FIP1L1: variants seen among roughly 807,000 people sequenced by gnomAD.
The protein encoded by FIP1L1 is factor interacting with PAPOLA and CPSF1.
Under a neutral mutation model 84.6 loss-of-function variants are expected in FIP1L1, and 21 were observed. The ratio of observed to expected loss-of-function variants is 0.25; its 90% CI spans 0.18 to 0.36. The LOEUF is 0.36. Among genes scored for constraint, FIP1L1 ranks in the 10% least tolerant of loss-of-function variants. The pLI, the probability that FIP1L1 is intolerant of heterozygous loss-of-function variation, is 1.00. For synonymous variants in FIP1L1, 263 were observed against 242.3 expected (o/e 1.09, Z -0.80); for missense variants, 526 against 751.1 (o/e 0.70, Z 3.50).
At chr4:53,408,183 A>G (rs1443253052) in intron 10 of FIP1L1, among the ~76,000 whole-genome samples, 1 of 152,150 alleles carries the variant, frequency 6.6e-6, no homozygotes, top group Non-Finnish European at 1.5e-5. Context: ...CTTTTAGGGC[A>G]GGCCTGGTGG....
At chr4:53,418,199 G>A (rs1201195603) in intron 11 of FIP1L1, among the ~76,000 whole-genome samples, 1 of 152,114 alleles carries the variant, frequency 6.6e-6, no homozygotes, top group Non-Finnish European at 1.5e-5. Context: ...TGAGGTGGGT[G>A]GATCACTGGA....
At chr4:53,453,904 CTCTT>C (rs796656768) in intron 16 of FIP1L1, among the ~76,000 whole-genome samples, 19 of 152,306 alleles carry the variant, frequency 1.2e-4, no homozygotes, top group African/African-American at 4.3e-4. Flanking sequence ...CAAATAGTCT[CTCTT>C]TAAGAATTGG....
chr4:53,414,725 A>T lies in FIP1L1; in HGVS notation c.923+3A>T. Reference sequence around the variant, plus strand: ...AGGGCCGAATCACCTGATCTAAGGTAAGGCTATTTTTAAACATTGGATACT... The same window carrying T: ...AGGGCCGAATCACCTGATCTAAGGTTAGGCTATTTTTAAACATTGGATACT... On this transcript the variant is annotated splice_donor_region_variant and intron_variant, in intron 11 of 17. Coordinates refer to ENST00000337488, the MANE Select transcript of FIP1L1 (RefSeq NM_030917.4). 1 of 1,595,506 alleles carries T rather than the reference A, an allele frequency of 6.3e-7. No homozygotes were observed. The highest frequency in any genetic ancestry group is 8.6e-7 in the Non-Finnish European group (1 of 1,163,996).
At chr4:53,441,668 A>G (rs1771990596) in intron 13 of FIP1L1, among the ~76,000 whole-genome samples, 1 of 152,006 alleles carries the variant, frequency 6.6e-6, no homozygotes, top group Non-Finnish European at 1.5e-5. Context: ...TTTGAGAAGG[A>G]TTCAGAGAAC....
At chr4:53,417,939 T>A (rs1048145223) in intron 11 of FIP1L1, among the ~76,000 whole-genome samples, 6 of 152,130 alleles carry the variant, frequency 3.9e-5, no homozygotes, top group African/African-American at 1.2e-4. Flanking sequence ...GTTTGAGGCA[T>A]TGCTTAAATG....
chr4:53,456,373 G>A (rs1718932968), intron 16 of FIP1L1, among the ~76,000 whole-genome samples: 1 of 152,070 alleles, frequency 6.6e-6, no homozygotes, highest in Admixed American at 6.6e-5. Context: ...TGATATTCAG[G>A]TTGCTGAACT....
At chr4:53,443,635 A>G (rs17713298) in intron 14 of FIP1L1, among the ~76,000 whole-genome samples, 19,303 of 152,146 alleles carry the variant, frequency 0.13, 1,308 homozygotes, top group Non-Finnish European at 0.16. Context: ...TGTTAGACAC[A>G]TTTATTTTCT....
At chr4:53,437,300 A>G (rs13150432) in intron 13 of FIP1L1, among the ~76,000 whole-genome samples, 135,955 of 139,086 alleles carry the variant, frequency 0.98, 66,540 homozygotes, top group Middle Eastern at 1. Flanking sequence ...CTCACCCTAC[A>G]CAACAGTGTG....
At chr4:53,393,823 G>A (rs889749193) in intron 9 of FIP1L1, among the ~76,000 whole-genome samples, 8 of 122,288 alleles carry the variant, frequency 6.5e-5, no homozygotes, top group Non-Finnish European at 1.1e-4. Context: ...CCAGTTTTCT[G>A]AAATTTTACA....
chr4:53,449,822 A>AGTTTTT (rs534907806), intron 15 of FIP1L1, among the ~76,000 whole-genome samples: 120 of 152,154 alleles, frequency 7.9e-4, no homozygotes, highest in African/African-American at 2.9e-3. Context: ...GAGTTTGGTA[A>AGTTTTT]GTTTTTGTTT....
chr4:53,437,351 AAAGAG>A (rs1487449258), intron 13 of FIP1L1, among the ~76,000 whole-genome samples: 5 of 136,738 alleles, frequency 3.7e-5, no homozygotes, highest in South Asian at 4.6e-4. Context: ...AAAAAAAAAA[AAAGAG>A]AGAGAAATCA....
intron 11 of FIP1L1, among the ~76,000 whole-genome samples, chr4:53,420,314 C>T (rs2149866129): frequency 6.8e-6 from 1 of 147,776 alleles, no homozygotes; most frequent in Admixed American, 6.8e-5. Flanking sequence ...CGTCCGTAAT[C>T]CCAGCTCGGG....
chr4:53,404,888 A>C (rs1358607321), intron 10 of FIP1L1, among the ~76,000 whole-genome samples: 1 of 150,972 alleles, frequency 6.6e-6, no homozygotes, highest in Non-Finnish European at 1.5e-5. Context: ...GTTTGAGTTC[A>C]TTGTAGATTC....
chr4:53,433,734 C>T (rs183515667), intron 13 of FIP1L1, among the ~76,000 whole-genome samples: 2 of 152,242 alleles, frequency 1.3e-5, no homozygotes, highest in Admixed American at 1.3e-4. Flanking sequence ...ACCAGGATCC[C>T]TGCTTTTAAA....
At chr4:53,440,938 C>T in intron 13 of FIP1L1, 1 of 190,390 alleles carries the variant, frequency 5.3e-6, no homozygotes. Flanking sequence ...AATATAGTGA[C>T]TATAAGAGAA....
chr4:53,452,988 G>A lies in FIP1L1; in HGVS notation c.1354G>A (p.Asp452Asn). Residue 452 changes from aspartate to asparagine, a missense_variant, in exon 16 of 18, where the codon GAC becomes AAC. Asp to Asn is a conservative substitution (Grantham distance 23, BLOSUM62 1). Around this residue, in one of 6 missense-constraint regions of FIP1L1, gnomAD observed 83 missense variants for 93.8 expected, o/e 0.88. Coordinates refer to ENST00000337488, the MANE Select transcript of FIP1L1 (RefSeq NM_030917.4). ...TCTTGTGGACACCAGCAAGCAGTGG[G>A]ACTATTATGCCAGAAGAGAGAAAGA... is the stretch of plus-strand genomic sequence containing the variant. The part of the protein sequence containing the change: ...PSLVDTSKQW[D>N]YYARREKDRD... The A allele has an allele frequency of 1.2e-6, 2 of 1,613,734 alleles. No homozygotes were observed. Among genetic ancestry groups the A allele is most frequent in the Non-Finnish European group, 1.7e-6 (2 of 1,179,978 alleles).
At position 53,408,015 on chromosome 4, in the gene FIP1L1, G is replaced by A. The variant is rs560447973; in HGVS notation, c.816-6600G>A. On this transcript the variant is annotated intron_variant, in intron 10 of 17. Transcript: ENST00000337488. ...TTACATTTAAAGCTAACATTGTTAT[G>A]TATGAATTTGATCCTGTCATTATGA... Among the ~76,000 whole-genome samples the A allele has an allele frequency of 1.5e-4, 23 of 152,272 alleles. No individual in the cohort carries two copies. In the South Asian group the frequency reaches 3.9e-3, roughly 26 times the overall value.
intron 10 of FIP1L1, among the ~76,000 whole-genome samples, chr4:53,407,218 C>G (rs1349807847): frequency 6.6e-6 from 1 of 152,078 alleles, no homozygotes; most frequent in Non-Finnish European, 1.5e-5. Context: ...TGTCTTTGTT[C>G]TCGTTGGTTT....
At chr4:53,451,743 T>A (rs1429545392) in intron 15 of FIP1L1, among the ~76,000 whole-genome samples, 6 of 151,954 alleles carry the variant, frequency 3.9e-5, no homozygotes, top group East Asian at 1.9e-4. Flanking sequence ...TCTTCTTTTT[T>A]AAAAAAAACT....
Sources: gnomAD v4.1 joint callset for allele counts (sites outside exome capture counted in the v4.1 genomes callset) on GRCh38, gnomAD v4.1.1 for gene constraint, gnomAD v4.1.1 regional missense constraint, MANE v1.5 for transcripts, NCBI Gene and HGNC (gene_info 2026-07-23, HGNC 2026-07-21) for gene names.